The following TTC34 variants were observed in gnomAD, a reference collection of about 807,000 sequenced individuals.
TTC34 encodes tetratricopeptide repeat domain 34.
Under a neutral mutation model 40.7 loss-of-function variants are expected in TTC34, and 44 were observed. The observed-to-expected ratio is 1.08, with a 90% CI of 0.85 to 1.39. TTC34 has a LOEUF of 1.39. TTC34 is among the 40% of genes most tolerant of loss of function. TTC34 has a pLI of 0.00. For synonymous variants in TTC34, 422 were observed against 398.6 expected (o/e 1.06, Z -0.70); for missense variants, 884 against 838.0 (o/e 1.05, Z -0.68).
chr1:2,640,796 C>G (rs1427162476), exon 9 of TTC34: 1 of 151,594 alleles, frequency 6.6e-6, no homozygotes, highest in African/African-American at 2.4e-5. Flanking sequence ...GGATCCCAGG[C>G]CAGGGACGAG....
At chr1:2,699,508 C>T (rs1255829571) in intron 6 of TTC34, among the ~76,000 whole-genome samples, 1 of 131,076 alleles carries the variant, frequency 7.6e-6, no homozygotes, top group South Asian at 2.4e-4. Flanking sequence ...AGGCGAGAAT[C>T]TGACAGCCTG....
At chr1:2,777,831 G>A (rs527389139) in intron 6 of TTC34, among the ~76,000 whole-genome samples, 7 of 152,144 alleles carry the variant, frequency 4.6e-5, no homozygotes, top group African/African-American at 1.2e-4. Flanking sequence ...CTGGTCCTGC[G>A]GCCCTGGACA....
chr1:2,785,946 C>G, exon 5 of TTC34: 1 of 1,524,554 alleles, frequency 6.6e-7, no homozygotes, highest in Non-Finnish European at 8.8e-7. Context: ...GAAGCAGCTG[C>G]CGGTCCTCGT....
chr1:2,658,621 A>T, intron 6 of TTC34, among the ~76,000 whole-genome samples: 2 of 71,408 alleles, frequency 2.8e-5, no homozygotes, highest in African/African-American at 8.4e-5. Flanking sequence ...AACAGCACCC[A>T]TACGCCCAGA....
chr1:2,695,227 T>TATCTGACAGCCTGGAACAGCA (rs1272246287), intron 6 of TTC34, among the ~76,000 whole-genome samples: 5 of 12,136 alleles, frequency 4.1e-4, no homozygotes, highest in Non-Finnish European at 8.5e-4. Context: ...CTGGAATAGG[T>TATCTGACAGCCTGGAACAGCA]CCCTGCACCC....
intron 8 of TTC34, among the ~76,000 whole-genome samples, chr1:2,642,278 G>A (rs1343597818): frequency 1.3e-5 from 2 of 152,168 alleles, no homozygotes; most frequent in Non-Finnish European, 2.9e-5. Context: ...GCTGGGCCCA[G>A]GTTCCCTTGA....
chr1:2,686,575 T>C (rs1640359638), intron 6 of TTC34, among the ~76,000 whole-genome samples: 2 of 146,226 alleles, frequency 1.4e-5, no homozygotes, highest in Admixed American at 1.3e-4. Flanking sequence ...CAGGTGAGCA[T>C]CTGACCGCCT....
intron 6 of TTC34, among the ~76,000 whole-genome samples, chr1:2,685,320 C>A (rs867630107): frequency 0.034 from 2,752 of 82,138 alleles, no homozygotes; most frequent in Admixed American, 0.051. Flanking sequence ...CACACACACC[C>A]ACAAGCGAGC....
chr1:2,780,612 C>T (rs1442633267), intron 6 of TTC34, among the ~76,000 whole-genome samples: 2 of 152,120 alleles, frequency 1.3e-5, no homozygotes, highest in African/African-American at 4.8e-5. Context: ...TTTCATTGGT[C>T]TCTGTGTCTG....
intron 6 of TTC34, among the ~76,000 whole-genome samples, chr1:2,656,451 C>CACACCCGCAGGTGAGCATCTGACA (rs1351919509): frequency 1.2e-5 from 1 of 83,190 alleles, no homozygotes. Flanking sequence ...CAACAGCACC[C>CACACCCGCAGGTGAGCATCTGACA]TGCACCCCCA....
intron 6 of TTC34, among the ~76,000 whole-genome samples, chr1:2,767,396 C>G (rs1641800377): frequency 7.1e-6 from 1 of 140,710 alleles, no homozygotes; most frequent in African/African-American, 2.6e-5. Context: ...GGAGCAGCAC[C>G]CACACCCCCA....
chr1:2,789,907 C>T (rs1643642675), exon 3 of TTC34: 3 of 397,150 alleles, frequency 7.6e-6, no homozygotes, highest in African/African-American at 6.2e-5. Flanking sequence ...CTGCACGGTC[C>T]CCCGCAGGGT....
At chr1:2,681,937 C>A (rs1204415026) in intron 6 of TTC34, among the ~76,000 whole-genome samples, 1 of 114,072 alleles carries the variant, frequency 8.8e-6, no homozygotes, top group Non-Finnish European at 1.9e-5. Context: ...CCTGGAACAG[C>A]ACCAACACCC....
At chr1:2,779,673 C>T (rs1434196632) in intron 6 of TTC34, among the ~76,000 whole-genome samples, 1 of 152,180 alleles carries the variant, frequency 6.6e-6, no homozygotes, top group Non-Finnish European at 1.5e-5. Flanking sequence ...TTTTCCTTAG[C>T]TGCTGCACCA....
At position 2,760,429 on chromosome 1, in the gene TTC34, G is replaced by A. The variant is rs1185912036; in HGVS notation, c.2226+23180C>T. Among the ~76,000 whole-genome samples the A allele has an allele frequency of 3.6e-5, 2 of 55,632 alleles. 1 individual carries two copies. Among genetic ancestry groups the A allele is most frequent in the Non-Finnish European group, 5.7e-5 (2 of 35,226 alleles). The allele number at this position is 55,632 out of a possible 152,430, so 36.5% of individuals were successfully genotyped here. On this transcript the variant is annotated intron_variant, in intron 6 of 8. Transcript: ENST00000401095. The stretch of plus-strand genomic sequence containing the variant: ...CCCACAGGCGAGCATCTGACAGCCT[G>A]GAGCAGCATCCACACACCCAGGCGA...
At chr1:2,651,776 C>A (rs1324832169) in intron 6 of TTC34, among the ~76,000 whole-genome samples, 3 of 151,970 alleles carry the variant, frequency 2.0e-5, no homozygotes, top group Non-Finnish European at 4.4e-5. Context: ...CTCAGATGAG[C>A]ATCTGACAGC....
At chr1:2,759,672 C>CCCACAGCCCCAGGCGAG (rs1641628228) in intron 6 of TTC34, among the ~76,000 whole-genome samples, 1 of 149,602 alleles carries the variant, frequency 6.7e-6, no homozygotes, top group African/African-American at 2.5e-5. Context: ...TGGAGCAGCA[C>CCCACAGCCCCAGGCGAG]CAACAACCCC....
At chr1:2,773,213 C>A (rs1642586479) in intron 6 of TTC34, among the ~76,000 whole-genome samples, 1 of 138,672 alleles carries the variant, frequency 7.2e-6, no homozygotes, top group Non-Finnish European at 1.6e-5. Flanking sequence ...GAGCAGCGCC[C>A]ACACCCCCGG....
At chr1:2,700,321 C>A (rs535802907) in intron 6 of TTC34, among the ~76,000 whole-genome samples, 1 of 110,314 alleles carries the variant, frequency 9.1e-6, no homozygotes, top group African/African-American at 2.8e-5. Context: ...CAGTCTGGGG[C>A]AGCACCCACT....
Sources: allele counts gnomAD v4.1 joint callset (sites outside exome capture counted in the v4.1 genomes callset), GRCh38; gene constraint gnomAD v4.1.1; transcripts MANE v1.5; gene names NCBI Gene and HGNC (gene_info 2026-07-23, HGNC 2026-07-21).